Variants in CDH19 observed in about 807,000 individuals in gnomAD.
The protein encoded by CDH19 is cadherin-19.
In CDH19, 67 loss-of-function variants were observed where a neutral mutation model predicts 64.2. That is an observed-to-expected ratio of 1.04 (90% CI 0.86 to 1.28). CDH19 has a LOEUF of 1.28. Among genes scored for constraint, CDH19 ranks in the 50% most tolerant of loss-of-function variants. The pLI is 0.00. For synonymous variants in CDH19, 346 were observed against 319.3 expected, an observed-to-expected ratio of 1.08 and a Z score of -0.89; for missense variants, 1,030 against 929.0, an observed-to-expected ratio of 1.11 and a Z score of -1.41.
At chr18:66,549,515 T>C (rs1987260226) in intron 5 of CDH19, among the ~76,000 whole-genome samples, 2 of 152,122 alleles carry the variant, frequency 1.3e-5, no homozygotes, top group South Asian at 2.1e-4. Flanking sequence ...ACAACATATG[T>C]ATCATATACA....
At chr18:66,506,968 CT>C (rs1275618443) in intron 11 of CDH19, among the ~76,000 whole-genome samples, 1 of 151,848 alleles carries the variant, frequency 6.6e-6, no homozygotes, top group Non-Finnish European at 1.5e-5. Context: ...CTTTTCTGAT[CT>C]GAATTGGAGA....
In CDH19 at chr18:66,505,105, C is replaced by A; in HGVS notation, c.2026G>T (p.Ala676Ser). Reference protein sequence around the residue: ...RERKTRKTTSAEIRSLYRQSL... With the variant: ...RERKTRKTTSSEIRSLYRQSL... Reference sequence around the variant, plus strand: ...TGCCTGTATAGGCTCCTGATCTCAGCGCTTGTGGTTTTCCGAGTCTTGCGT... The same window carrying A: ...TGCCTGTATAGGCTCCTGATCTCAGAGCTTGTGGTTTTCCGAGTCTTGCGT... Residue 676 changes from alanine to serine, a missense_variant, in exon 12 of 12, where the codon GCT becomes TCT. Ala to Ser is a moderately conservative substitution (Grantham distance 99). Coordinates refer to ENST00000262150, the MANE Select transcript of CDH19 (RefSeq NM_021153.4). 1 of 1,613,518 alleles carries A rather than the reference C, an allele frequency of 6.2e-7. No homozygotes were observed. Among genetic ancestry groups the A allele is most frequent in the Non-Finnish European group, 8.5e-7 (1 of 1,179,706 alleles).
chr18:66,549,525 A>T (rs1267579166), intron 5 of CDH19, among the ~76,000 whole-genome samples: 1 of 152,160 alleles, frequency 6.6e-6, no homozygotes, highest in Non-Finnish European at 1.5e-5. Context: ...TATCATATAC[A>T]TCATATGTGA....
intron 10 of CDH19, among the ~76,000 whole-genome samples, chr18:66,510,911 C>G (rs574533545): frequency 7.6e-4 from 115 of 151,576 alleles, no homozygotes; most frequent in African/African-American, 2.7e-3. Context: ...TGTTTCATAA[C>G]TTTGAGGTAT....
At chr18:66,545,262 G>C (rs1298605420) in intron 5 of CDH19, among the ~76,000 whole-genome samples, 1 of 152,082 alleles carries the variant, frequency 6.6e-6, no homozygotes, top group East Asian at 1.9e-4. Flanking sequence ...TCAGATGTGA[G>C]CCACCGTGCC....
At chr18:66,529,139 A>G (rs1986335664) in intron 9 of CDH19, among the ~76,000 whole-genome samples, 2 of 152,002 alleles carry the variant, frequency 1.3e-5, no homozygotes, top group South Asian at 4.1e-4. Context: ...ATTGTGAAGT[A>G]ATGATAATGT....
intron 5 of CDH19, 139 bp from the exon 6 acceptor site, chr18:66,545,042 G>A (rs577145733): frequency 5.2e-6 from 3 of 574,906 alleles, no homozygotes; most frequent in Non-Finnish European, 8.6e-6. Flanking sequence ...GCAGTGGTGT[G>A]ATCTCGGTTC....
intron 9 of CDH19, among the ~76,000 whole-genome samples, chr18:66,525,565 A>G (rs1986189955): frequency 6.6e-6 from 1 of 152,130 alleles, no homozygotes; most frequent in African/African-American, 2.4e-5. Context: ...GTCTGACTCT[A>G]TGATCAACAC....
chr18:66,532,740 AT>A (rs903038726), intron 8 of CDH19: 1 of 451,358 alleles, frequency 2.2e-6, no homozygotes, highest in African/African-American at 2.0e-5. Context: ...TAGGAGACTC[AT>A]TTTAGCAACG....
At chr18:66,541,827 G>C (rs1986897866) in intron 7 of CDH19, among the ~76,000 whole-genome samples, 1 of 152,078 alleles carries the variant, frequency 6.6e-6, no homozygotes, top group Non-Finnish European at 1.5e-5. Flanking sequence ...GAAGTAAGTA[G>C]ACACCAATGG....
At chr18:66,530,963 C>T (rs1031370544) in intron 8 of CDH19, among the ~76,000 whole-genome samples, 9 of 152,032 alleles carry the variant, frequency 5.9e-5, no homozygotes, top group South Asian at 2.1e-4. Context: ...AGACACGCCG[C>T]GTTATCATAA....
intron 1 of CDH19, among the ~76,000 whole-genome samples, chr18:66,573,516 G>C (rs1268073995): frequency 1.3e-5 from 2 of 151,624 alleles, no homozygotes; most frequent in African/African-American, 4.8e-5. Context: ...TTATCTTTAT[G>C]TTACGTATTT....
intron 9 of CDH19, among the ~76,000 whole-genome samples, chr18:66,517,945 CAT>C (rs1179850195): frequency 3.3e-5 from 5 of 151,796 alleles, no homozygotes; most frequent in Non-Finnish European, 5.9e-5. Context: ...ATTACATACT[CAT>C]ATTTTCAAAT....
chr18:66,553,410 C>T (rs1987409823), intron 4 of CDH19, among the ~76,000 whole-genome samples: 1 of 133,536 alleles, frequency 7.5e-6, no homozygotes, highest in Non-Finnish European at 1.5e-5. Flanking sequence ...ATGTACATTC[C>T]TGAGAGAATT....
In CDH19 at chr18:66,572,278, T is replaced by TTTA; in HGVS notation, c.-75_-74insTAA. The TTTA allele has an allele frequency of 8.6e-7, 1 of 1,157,164 alleles. No homozygotes were observed. The allele number at this position is 1,157,164 out of a possible 1,614,324, so 71.7% of individuals were successfully genotyped here. Reference sequence around the variant, plus strand: ...CGTCACTAACAAAAATCTTGCTTTCTTTTATAATCTTTTCTGATTCTGTGT... The same window carrying TTTA: ...CGTCACTAACAAAAATCTTGCTTTCTTTATTTATAATCTTTTCTGATTCTGTGT... On this transcript the variant is annotated 5_prime_UTR_variant, in exon 2 of 12. Transcript: ENST00000262150.
intron 7 of CDH19, among the ~76,000 whole-genome samples, chr18:66,540,279 A>C (rs1986838033): frequency 6.6e-6 from 1 of 152,116 alleles, no homozygotes; most frequent in Admixed American, 6.5e-5. Flanking sequence ...ACAGGAAATA[A>C]TACACCATCT....
At chr18:66,537,216 G>A (rs1385748970) in intron 7 of CDH19, among the ~76,000 whole-genome samples, 5 of 151,210 alleles carry the variant, frequency 3.3e-5, no homozygotes, top group South Asian at 2.1e-4. Flanking sequence ...AATCCAATAC[G>A]GCCTTTCATT....
chr18:66,505,063 G>T lies in CDH19; in HGVS notation c.2068C>A (p.Pro690Thr), dbSNP rs753173128. Reference protein sequence around the residue: ...SLYRQSLQVGPDSAIFRKFIL... With the variant: ...SLYRQSLQVGTDSAIFRKFIL... ...AATTTCCTGAATATGGCACTGTCGG[G>T]GCCAACTTGCAAAGACTGCCTGTAT... The change falls in exon 12 of 12, where the codon CCC (proline) becomes ACC (threonine). Residue 690 changes from proline (P) to threonine (T), a missense_variant. Physicochemically the swap from Pro to Thr is conservative, Grantham distance 38. Coordinates refer to ENST00000262150, the MANE Select transcript of CDH19 (RefSeq NM_021153.4). 1 of 1,613,708 alleles carries T rather than the reference G, an allele frequency of 6.2e-7. No homozygotes were observed. Among genetic ancestry groups the T allele is most frequent in the African/African-American group, 1.3e-5 (1 of 75,014 alleles).
chr18:66,596,757 A>C (rs758975607), intron 1 of CDH19, among the ~76,000 whole-genome samples: 47 of 152,220 alleles, frequency 3.1e-4, no homozygotes, highest in Non-Finnish European at 5.7e-4. Context: ...ATTTTTATCA[A>C]ACTACCAAAG....
Sources: allele counts gnomAD v4.1 joint callset (sites outside exome capture counted in the v4.1 genomes callset), GRCh38; gene constraint gnomAD v4.1.1; transcripts MANE v1.5; gene names NCBI Gene and HGNC (gene_info 2026-07-23, HGNC 2026-07-21).